MACF1: variants seen among roughly 807,000 people sequenced by gnomAD.
MACF1 encodes microtubule actin crosslinking factor 1, also known as microtubule-actin cross-linking factor 1.
A neutral mutation model predicts 854.8 loss-of-function variants in MACF1; 193 were observed. That is an observed-to-expected ratio of 0.23 (90% CI 0.20 to 0.25). The LOEUF (loss-of-function observed/expected upper bound fraction) is 0.25. Among genes scored for constraint, MACF1 ranks in the 10% least tolerant of loss-of-function variants. MACF1 has a pLI of 1.00. For missense variants in MACF1, 7,722 were observed against 8,929.1 expected (o/e 0.86, Z 5.45); for synonymous variants, 3,185 against 3,226.7 (o/e 0.99, Z 0.44).
Position 39,336,091 on chromosome 1 carries a change from G to A in MACF1, c.9503G>A (p.Cys3168Tyr). 6.2e-7 allele frequency: 1 copy of A among 1,613,834 alleles called. No individual in the cohort carries two copies. The highest frequency in any genetic ancestry group is 8.5e-7 in the Non-Finnish European group (1 of 1,179,966). Residue 3168 changes from cysteine to tyrosine, a missense_variant, in exon 37 of 101, where the codon TGT becomes TAT. This residue lies in a region of MACF1 where 854 missense variants were observed against 852.6 expected (regional missense o/e 1.00). Coordinates refer to ENST00000564288, the MANE Select transcript of MACF1 (RefSeq NM_001394062.1). ...TKHQISSSNE[C>Y]KEKSYQEVSF... Reference sequence around the variant, plus strand: ...CATCAAATTTCCTCATCTAATGAATGTAAAGAAAAGTCATACCAAGAAGTA... The same window carrying A: ...CATCAAATTTCCTCATCTAATGAATATAAAGAAAAGTCATACCAAGAAGTA...
At position 39,333,627 on chromosome 1, in the gene MACF1, G is replaced by C. The variant is rs1646764608; in HGVS notation, c.7039G>C (p.Glu2347Gln). The C allele has an allele frequency of 6.2e-7, 1 of 1,614,162 alleles. No homozygotes were observed. The highest frequency in any genetic ancestry group is 1.3e-5 in the African/African-American group (1 of 75,036). Residue 2347 changes from glutamate (E) to glutamine (Q), a missense_variant, in exon 37 of 101, where the codon GAA becomes CAA. By Grantham distance (29) the Glu-to-Gln change is conservative. This residue lies in a region of MACF1 where 1,531 missense variants were observed against 1,601.6 expected (regional missense o/e 0.96). Transcript: ENST00000564288. Reference sequence around the variant, plus strand: ...TCAGACTTGTGAGTCTTTGACAACTGAAGAAGTCATTAATGAAGGTCTGAT... The same window carrying C: ...TCAGACTTGTGAGTCTTTGACAACTCAAGAAGTCATTAATGAAGGTCTGAT... Reference protein sequence around the residue: ...DSQTCESLTTEEVINEGLMDE... With the variant: ...DSQTCESLTTQEVINEGLMDE...
intron 2 of MACF1, among the ~76,000 whole-genome samples, chr1:39,189,338 T>C (rs1260880292): frequency 6.6e-6 from 1 of 152,240 alleles, no homozygotes; most frequent in African/African-American, 2.4e-5. Context: ...ATCAAACTTT[T>C]GTTGCTATTT....
chr1:39,317,514 G>A lies in MACF1; in HGVS notation c.3782+107G>A, dbSNP rs1557584297. 4 of 1,245,614 alleles carry A rather than the reference G, an allele frequency of 3.2e-6. No homozygotes were observed. In the African/African-American group the frequency reaches 6.1e-5, roughly 19 times the overall value. The allele number at this position is 1,245,614 out of a possible 1,614,324, so 77.2% of individuals were successfully genotyped here. On this transcript the variant is annotated intron_variant, in intron 29 of 100. Coordinates refer to ENST00000564288, the MANE Select transcript of MACF1 (RefSeq NM_001394062.1). ...TATATTTAAAGGTGGAAATGGATAG[G>A]GAGGGGTGGAAATTTAAAAACCACA...
rs1174371856 is a variant in MACF1 at position 39,331,645 on chromosome 1, A to C, written c.5057A>C (p.His1686Pro). The change falls in exon 37 of 101, where the codon CAT (histidine) becomes CCT (proline). Residue 1686 changes from histidine to proline, a missense_variant. Around this residue, in one of 15 missense-constraint regions of MACF1, gnomAD observed 1,531 missense variants for 1,601.6 expected, o/e 0.96. Coordinates refer to ENST00000564288, the MANE Select transcript of MACF1 (RefSeq NM_001394062.1). ...CAAGGCCTCATTTCTGCATGGCTTC[A>C]TTCAGTATTAGAGTCTTATCTTAGA... ...FHQGLISAWL[H>P]SVLESYLRTS... 6.2e-7 allele frequency: 1 copy of C among 1,614,202 alleles called. No individual in the cohort carries two copies. Among genetic ancestry groups the C allele is most frequent in the South Asian group, 1.1e-5 (1 of 91,090 alleles).
intron 96 of MACF1, 24 bp from the exon 97 acceptor site, chr1:39,469,523 C>G (rs1421553956): frequency 6.5e-7 from 1 of 1,528,818 alleles, no homozygotes; most frequent in East Asian, 2.4e-5. Flanking sequence ...CTGTTTCTTT[C>G]TGTTTACGTA....
At chr1:39,252,823 C>T (rs1357097722) in intron 4 of MACF1, among the ~76,000 whole-genome samples, 2 of 152,150 alleles carry the variant, frequency 1.3e-5, no homozygotes, top group Non-Finnish European at 2.9e-5. Context: ...CCAGAGAGGC[C>T]TTGACATCTC....
At chr1:39,095,954 A>AACCGGGAGGCAGAG (rs1288085932) in intron 2 of MACF1, among the ~76,000 whole-genome samples, 36 of 152,056 alleles carry the variant, frequency 2.4e-4, no homozygotes, top group African/African-American at 8.7e-4. Flanking sequence ...GAATCACTTG[A>AACCGGGAGGCAGAG]GTCTGGGATA....
At position 39,292,015 on chromosome 1, in the gene MACF1, G is replaced by A. The variant is rs532952201; in HGVS notation, c.1891G>A (p.Val631Ile). Reference protein sequence around the residue: ...HTSVEELGSSVKEARLYEGKM... With the variant: ...HTSVEELGSSIKEARLYEGKM... ...GAGTGTAGAAGAGCTGGGCTCAAGT[G>A]TCAAGGAGGCCAGGTTGTATGAGGT... Residue 631 changes from valine to isoleucine, a missense_variant, in exon 16 of 101, where the codon GTC becomes ATC. Val to Ile is a conservative substitution (Grantham distance 29). This residue lies in a region of MACF1 where 1,137 missense variants were observed against 1,263.0 expected (regional missense o/e 0.90). Coordinates refer to ENST00000564288, the MANE Select transcript of MACF1 (RefSeq NM_001394062.1). 5 of 1,614,092 alleles carry A rather than the reference G, an allele frequency of 3.1e-6. No homozygotes were observed. The South Asian group carries it at 5.5e-5, about 18-fold the overall frequency.
At chr1:39,177,250 C>T (rs1644041666) in intron 2 of MACF1, among the ~76,000 whole-genome samples, 1 of 152,178 alleles carries the variant, frequency 6.6e-6, no homozygotes, top group South Asian at 2.1e-4. Context: ...ATTCTCCTGC[C>T]TCAGCCTCCT....
Position 39,357,744 on chromosome 1 carries a change from G to A in MACF1, c.11794G>A (p.Gly3932Arg). ...SFSEDVISHK[G>R]DLRFVTISGQ... ...CTCAGAGGATGTCATTTCCCACAAA[G>A]GAGACTTGAGATTTGTGACTATCTC... The change falls in exon 45 of 101, where the codon GGA becomes AGA. Residue 3932 changes from glycine to arginine, a missense_variant. Gly to Arg is a moderately radical substitution (Grantham distance 125, BLOSUM62 -2). Coordinates refer to ENST00000564288, the MANE Select transcript of MACF1 (RefSeq NM_001394062.1). 1.2e-6 allele frequency: 2 copies of A among 1,614,126 alleles called. No individual in the cohort carries two copies. Among genetic ancestry groups the A allele is most frequent in the Non-Finnish European group, 1.7e-6 (2 of 1,180,016 alleles).
intron 42 of MACF1, 104 bp from the exon 43 acceptor site, chr1:39,350,681 T>C: frequency 1.4e-6 from 1 of 736,634 alleles, no homozygotes. Context: ...TTAGGGACTA[T>C]ATACAGGACT....
chr1:39,161,322 T>A (rs1415646331), intron 2 of MACF1, among the ~76,000 whole-genome samples: 1 of 151,674 alleles, frequency 6.6e-6, no homozygotes, highest in Admixed American at 6.6e-5. Flanking sequence ...AGCAGAGAGG[T>A]AGGTGAAGTA....
At chr1:39,180,381 T>C (rs1644088943) in intron 2 of MACF1, among the ~76,000 whole-genome samples, 1 of 151,940 alleles carries the variant, frequency 6.6e-6, no homozygotes, top group Non-Finnish European at 1.5e-5. Context: ...TTTGGGAGGC[T>C]GAGGCAGGTG....
Position 39,422,903 on chromosome 1 carries a change from A to G in MACF1, c.16149+3A>G. ...AAGCACAGATCCAAGAACAGAAGGT[A>G]AGTGAGAATGTTGGGACAGTGAACT... On this transcript the variant is annotated splice_donor_region_variant and intron_variant, in intron 60 of 100. Transcript: ENST00000564288. 1.2e-6 allele frequency: 2 copies of G among 1,613,652 alleles called. No homozygotes were observed. The highest frequency in any genetic ancestry group is 1.3e-5 in the African/African-American group (1 of 75,062).
At chr1:39,139,456 C>T (rs1643274024) in intron 2 of MACF1, among the ~76,000 whole-genome samples, 1 of 152,064 alleles carries the variant, frequency 6.6e-6, no homozygotes, top group African/African-American at 2.4e-5. Context: ...GGGGTTTCAC[C>T]ATGTTGGCCA....
intron 100 of MACF1, chr1:39,484,992 A>C: frequency 1.9e-6 from 1 of 525,268 alleles, no homozygotes; most frequent in East Asian, 3.4e-5. Flanking sequence ...ATTTGAGAGA[A>C]TGTAAAAGGA....
At chr1:39,226,342 A>AT (rs5773656) in intron 1 of MACF1, among the ~76,000 whole-genome samples, 4,119 of 142,178 alleles carry the variant, frequency 0.029, 160 homozygotes, top group African/African-American at 0.093. Flanking sequence ...TATGGATAGT[A>AT]TTTTTTTTTT....
chr1:39,185,743 T>A (rs530135058), intron 2 of MACF1, among the ~76,000 whole-genome samples: 1 of 152,340 alleles, frequency 6.6e-6, no homozygotes, highest in Admixed American at 6.5e-5. Context: ...ATGAGTCAGA[T>A]AACTTACTTC....
At chr1:39,340,765 G>T (rs1215805686) in intron 39 of MACF1, 39 bp from the exon 40 acceptor site, 1 of 1,612,006 alleles carries the variant, frequency 6.2e-7, no homozygotes. Flanking sequence ...CTGGGTGGCT[G>T]GGAGATTTTC....
Sources: gnomAD v4.1 joint callset for allele counts (sites outside exome capture counted in the v4.1 genomes callset) on GRCh38, gnomAD v4.1.1 for gene constraint, gnomAD v4.1.1 regional missense constraint, MANE v1.5 for transcripts, NCBI Gene and HGNC (gene_info 2026-07-23, HGNC 2026-07-21) for gene names.